The following CMIP variants were observed in gnomAD, a reference collection of about 807,000 sequenced individuals.
The protein encoded by CMIP is C-Maf-inducing protein.
A neutral mutation model predicts 97.3 loss-of-function variants in CMIP; 13 were observed. The observed-to-expected ratio is 0.13, with a 90% CI of 0.09 to 0.21. The LOEUF (loss-of-function observed/expected upper bound fraction) is 0.21. Ranked by LOEUF, CMIP falls within the 10% of genes least tolerant of loss-of-function variation. CMIP has a pLI of 1.00. For missense variants in CMIP, 847 were observed against 1,024.9 expected (o/e 0.83, Z 2.37); for synonymous variants, 538 against 436.3 (o/e 1.23, Z -2.91).
At chr16:81,540,969 T>C (rs1247770055) in intron 1 of CMIP, among the ~76,000 whole-genome samples, 1 of 151,104 alleles carries the variant, frequency 6.6e-6, no homozygotes, top group Non-Finnish European at 1.5e-5. Flanking sequence ...TGTGAGCCAC[T>C]GCACCCGGCC....
chr16:81,457,971 C>A (rs182108766), intron 1 of CMIP, among the ~76,000 whole-genome samples: 13 of 152,244 alleles, frequency 8.5e-5, no homozygotes, highest in Non-Finnish European at 1.8e-4. Context: ...TCCCTGCCTT[C>A]GCCCTGATGA....
chr16:81,535,626 A>G (rs1012833519), intron 1 of CMIP, among the ~76,000 whole-genome samples: 2 of 152,154 alleles, frequency 1.3e-5, no homozygotes, highest in Admixed American at 1.3e-4. Flanking sequence ...ATTAGTAATA[A>G]TACAATTATT....
chr16:81,654,289 C>T (rs2092460437), intron 4 of CMIP, among the ~76,000 whole-genome samples: 1 of 151,464 alleles, frequency 6.6e-6, no homozygotes, highest in African/African-American at 2.4e-5. Context: ...CCAGGTTGGT[C>T]TCAAACTCCT....
chr16:81,514,115 A>G (rs1004653151), intron 1 of CMIP, among the ~76,000 whole-genome samples: 1 of 152,232 alleles, frequency 6.6e-6, no homozygotes, highest in African/African-American at 2.4e-5. Flanking sequence ...GCATTTGTTT[A>G]TGGAGACTGA....
intron 3 of CMIP, among the ~76,000 whole-genome samples, chr16:81,641,569 A>G (rs2150989339): frequency 6.6e-6 from 1 of 152,298 alleles, no homozygotes; most frequent in South Asian, 2.1e-4. Context: ...GCACGTGGTT[A>G]CCTAGGCAAC....
At chr16:81,512,159 G>T (rs35137323) in intron 1 of CMIP, among the ~76,000 whole-genome samples, 34,437 of 152,092 alleles carry the variant, frequency 0.23, 4,191 homozygotes, top group East Asian at 0.36. Flanking sequence ...TAAACATGTG[G>T]CTTGCATTGT....
intron 3 of CMIP, among the ~76,000 whole-genome samples, chr16:81,638,497 G>T (rs1486107958): frequency 6.6e-6 from 1 of 151,998 alleles, no homozygotes; most frequent in Non-Finnish European, 1.5e-5. Context: ...GGAACCCTGA[G>T]AAACTGGTCG....
intron 1 of CMIP, among the ~76,000 whole-genome samples, chr16:81,574,181 T>C (rs1437796940): frequency 1.3e-5 from 2 of 152,256 alleles, no homozygotes; most frequent in Non-Finnish European, 2.9e-5. Context: ...TGGGCCGCGC[T>C]AGTCTGGAGG....
chr16:81,547,580 G>A (rs1395613077), intron 1 of CMIP, among the ~76,000 whole-genome samples: 1 of 151,856 alleles, frequency 6.6e-6, no homozygotes, highest in Admixed American at 6.5e-5. Context: ...TCAGGCAAAA[G>A]CGAGGGTTTG....
At chr16:81,631,515 A>G (rs759271834) in intron 3 of CMIP, 16 of 152,350 alleles carry the variant, frequency 1.1e-4, no homozygotes, top group African/African-American at 3.1e-4. Context: ...CCTCCCCACC[A>G]TGGGCAGCCA....
intron 10 of CMIP, among the ~76,000 whole-genome samples, chr16:81,686,577 T>C (rs759218748): frequency 3.3e-5 from 5 of 152,188 alleles, no homozygotes; most frequent in Middle Eastern, 3.2e-3. Flanking sequence ...TCAGGACTTA[T>C]CTCAGGCAAC....
intron 1 of CMIP, among the ~76,000 whole-genome samples, chr16:81,606,664 A>T (rs1363560645): frequency 6.6e-6 from 1 of 151,846 alleles, no homozygotes; most frequent in Non-Finnish European, 1.5e-5. Flanking sequence ...GGGAACCAAG[A>T]CAGACCTAGG....
intron 1 of CMIP, among the ~76,000 whole-genome samples, chr16:81,455,122 G>A (rs984037754): frequency 5.3e-5 from 8 of 152,208 alleles, no homozygotes; most frequent in East Asian, 1.9e-4. Flanking sequence ...GGTGCTTTAC[G>A]ATGCAGAGAG....
At chr16:81,462,591 C>T (rs1906960628) in intron 1 of CMIP, among the ~76,000 whole-genome samples, 1 of 152,106 alleles carries the variant, frequency 6.6e-6, no homozygotes, top group African/African-American at 2.4e-5. Flanking sequence ...GGGGCTGGTC[C>T]CTGCAGCGTT....
chr16:81,681,121 G>A (rs556054442), intron 10 of CMIP, among the ~76,000 whole-genome samples: 77 of 152,208 alleles, frequency 5.1e-4, no homozygotes, highest in Non-Finnish European at 1.0e-3. Flanking sequence ...ATGGGGCTAC[G>A]CAGAGGAGCA....
At chr16:81,456,218 T>C (rs903703860) in intron 1 of CMIP, among the ~76,000 whole-genome samples, 9 of 152,222 alleles carry the variant, frequency 5.9e-5, no homozygotes, top group African/African-American at 1.7e-4. Flanking sequence ...ATGATAGTCA[T>C]GTCCAAGGTG....
intron 3 of CMIP, among the ~76,000 whole-genome samples, chr16:81,642,631 G>A (rs1050168149): frequency 6.6e-6 from 1 of 152,158 alleles, no homozygotes; most frequent in African/African-American, 2.4e-5. Context: ...GTTCATCAGC[G>A]GATTAACAAA....
At chr16:81,598,289 A>G (rs1249726333) in intron 1 of CMIP, among the ~76,000 whole-genome samples, 1 of 152,178 alleles carries the variant, frequency 6.6e-6, no homozygotes, top group Admixed American at 6.5e-5. Context: ...CGCCTACAAC[A>G]GAGCTGACCA....
chr16:81,672,760 T>C (rs2092694548), intron 9 of CMIP, among the ~76,000 whole-genome samples: 1 of 152,136 alleles, frequency 6.6e-6, no homozygotes, highest in Admixed American at 6.5e-5. Flanking sequence ...AATTTTTTTG[T>C]AAAGACAGGA....
Sources: gnomAD v4.1 joint callset for allele counts (sites outside exome capture counted in the v4.1 genomes callset) on GRCh38, gnomAD v4.1.1 for gene constraint, MANE v1.5 for transcripts, NCBI Gene and HGNC (gene_info 2026-07-23, HGNC 2026-07-21) for gene names.